The following ZNF536 variants were observed in gnomAD, a reference collection of about 807,000 sequenced individuals.
ZNF536 encodes zinc finger protein 536.
ZNF536 carries 13 observed loss-of-function variants against 84.5 expected under a neutral mutation model. That is an observed-to-expected ratio of 0.15 (90% CI 0.10 to 0.24). The LOEUF is 0.24. Ranked by LOEUF, ZNF536 falls within the 10% of genes least tolerant of loss-of-function variation. ZNF536 has a pLI of 1.00. For missense variants in ZNF536, 1,536 were observed against 1,747.5 expected, an observed-to-expected ratio of 0.88 and a Z score of 2.16; for synonymous variants, 811 against 742.5, an observed-to-expected ratio of 1.09 and a Z score of -1.50.
intron 1 of ZNF536, among the ~76,000 whole-genome samples, chr19:30,270,806 C>T (rs908544556): frequency 6.0e-5 from 9 of 149,056 alleles, no homozygotes; most frequent in African/African-American, 2.2e-4. Context: ...TGCTAGCATA[C>T]GTAATTTTTT....
At chr19:30,367,587 T>C (rs2048477732), upstream of ZNF536, among the ~76,000 whole-genome samples, 5 of 152,178 alleles carry the variant, frequency 3.3e-5, no homozygotes, top group Non-Finnish European at 7.3e-5. Context: ...TTTGGCTTTC[T>C]CTACCAGCTG....
At chr19:30,671,561 G>A (rs931765613) in intron 1 of ZNF536, among the ~76,000 whole-genome samples, 10 of 152,114 alleles carry the variant, frequency 6.6e-5, no homozygotes, top group African/African-American at 2.2e-4. Flanking sequence ...AAGGGGAAGC[G>A]GGGCAGGGGT....
In ZNF536 at chr19:30,569,559, C is replaced by CTT. The variant is rs34995610; in HGVS notation, c.169+20074_169+20075dup. On this transcript the variant is annotated intron_variant, in intron 1 of 1. Coordinates refer to the ZNF536 transcript ENST00000592773. ...ATGGAATCGAAGCCAGATAAACGTT[C>CTT]TTTTTTTTTTTTTTTTTTTTTTTTT... Among the ~76,000 whole-genome samples the CTT allele has an allele frequency of 9.2e-3, 508 of 55,076 alleles. 108 individuals are homozygous for CTT. The highest frequency in any genetic ancestry group is 0.024 in the African/African-American group (316 of 13,214). The allele number at this position is 55,076 out of a possible 152,430, so 36.1% of individuals were successfully genotyped here.
intron 2 of ZNF536, among the ~76,000 whole-genome samples, chr19:30,504,865 G>A (rs191963244): frequency 6.6e-6 from 1 of 152,186 alleles, no homozygotes; most frequent in African/African-American, 2.4e-5. Context: ...GATGTTATAT[G>A]ATCCGCAAAA....
At chr19:30,571,695 G>A (rs948987466) in intron 1 of ZNF536, among the ~76,000 whole-genome samples, 5 of 151,992 alleles carry the variant, frequency 3.3e-5, no homozygotes, top group Non-Finnish European at 5.9e-5. Flanking sequence ...CCCAACATCC[G>A]GCTTCCTCCC....
intron 1 of ZNF536, among the ~76,000 whole-genome samples, chr19:30,410,308 A>G (rs2050425293): frequency 6.6e-6 from 1 of 152,094 alleles, no homozygotes; most frequent in African/African-American, 2.4e-5. Flanking sequence ...TTGCACACAT[A>G]TTCATAATTT....
chr19:30,688,237 C>G (rs1376382523), intron 1 of ZNF536, among the ~76,000 whole-genome samples: 2 of 152,166 alleles, frequency 1.3e-5, no homozygotes, highest in African/African-American at 4.8e-5. Flanking sequence ...AACTCAGGTG[C>G]CCGGATCTCT....
intron 2 of ZNF536, among the ~76,000 whole-genome samples, chr19:30,338,706 T>A (rs374403744): frequency 1.3e-5 from 2 of 152,110 alleles, no homozygotes; most frequent in East Asian, 3.9e-4. Flanking sequence ...TTTCACAGGG[T>A]TGTTGTAAGG....
At chr19:30,616,513 G>C (rs1040812378) in intron 1 of ZNF536, among the ~76,000 whole-genome samples, 1 of 152,068 alleles carries the variant, frequency 6.6e-6, no homozygotes, top group African/African-American at 2.4e-5. Flanking sequence ...AACCCTATTT[G>C]ATCAAGGCCT....
rs56199909 is a variant in ZNF536, at chr19:30,705,309, ATG to A, written c.170-5422_170-5421del. 6.8e-3 allele frequency among the ~76,000 whole-genome samples: 1,016 copies of A among 148,898 alleles called. 9 individuals are homozygous for A. Among genetic ancestry groups the A allele is most frequent in the African/African-American group, 0.018 (748 of 40,528 alleles). ...GCCTTTCAGCAAACAACTCAGAAAGATGTGTGTGTGTGTGTGTGTGTGTGTGT... is the reference window on the plus strand; with the variant it reads ...GCCTTTCAGCAAACAACTCAGAAAGATGTGTGTGTGTGTGTGTGTGTGTGT... On this transcript the variant is annotated intron_variant, in intron 1 of 1. Coordinates refer to the ZNF536 transcript ENST00000592773.
At position 30,425,104 on chromosome 19, in the gene ZNF536, A is replaced by T. The variant is rs139426172; in HGVS notation, c.-2-18457A>T. Among the ~76,000 whole-genome samples the T allele has an allele frequency of 2.4e-4, 36 of 152,240 alleles. No homozygotes were observed. In the East Asian group the frequency reaches 7.0e-3, roughly 29 times the overall value. ...GGGGACTCAAGGGAAAGAGTAGGAA[A>T]GGGGTGAGGGATAAAAGAGTACACA... On this transcript the variant is annotated intron_variant, in intron 1 of 4. Coordinates refer to ENST00000355537, the MANE Select transcript of ZNF536 (RefSeq NM_014717.3).
intron 2 of ZNF536, among the ~76,000 whole-genome samples, chr19:30,329,286 G>A (rs942877972): frequency 2.0e-5 from 3 of 152,148 alleles, no homozygotes; most frequent in Admixed American, 6.5e-5. Context: ...GTAGGAATGC[G>A]GTCCTGCTTG....
intron 2 of ZNF536, among the ~76,000 whole-genome samples, chr19:30,506,540 G>T (rs150773384): frequency 6.6e-6 from 1 of 152,166 alleles, no homozygotes; most frequent in Non-Finnish European, 1.5e-5. Flanking sequence ...GTGCTGAGGC[G>T]AGGGGAGGTT....
At chr19:30,516,285 C>A (rs2044070777) in intron 2 of ZNF536, among the ~76,000 whole-genome samples, 2 of 152,196 alleles carry the variant, frequency 1.3e-5, no homozygotes, top group African/African-American at 4.8e-5. Context: ...GTCCTCCGTC[C>A]TCCTGGGCAG....
intron 2 of ZNF536, among the ~76,000 whole-genome samples, chr19:30,333,714 C>T (rs2047290617): frequency 6.6e-6 from 1 of 152,174 alleles, no homozygotes; most frequent in Non-Finnish European, 1.5e-5. Context: ...TGGACTGTGA[C>T]CTAGGAACAC....
At chr19:30,226,745 G>A (rs1470129848), upstream of ZNF536, among the ~76,000 whole-genome samples, 2 of 152,170 alleles carry the variant, frequency 1.3e-5, no homozygotes, top group African/African-American at 4.8e-5. The surrounding 1 kb of genome is among the most constrained non-coding windows in gnomAD (Gnocchi z 4.6). Flanking sequence ...GAGAAATGAG[G>A]CCAATCAGAG....
intron 2 of ZNF536, among the ~76,000 whole-genome samples, chr19:30,297,439 T>C (rs576144763): frequency 6.6e-6 from 1 of 152,312 alleles, no homozygotes; most frequent in South Asian, 2.1e-4. Flanking sequence ...GTTTTATTAC[T>C]GAACTTTAAA....
At chr19:30,307,131 C>A (rs546689788) in intron 2 of ZNF536, among the ~76,000 whole-genome samples, 1 of 152,064 alleles carries the variant, frequency 6.6e-6, no homozygotes, top group Admixed American at 6.5e-5. Flanking sequence ...ATCTCGAATT[C>A]GCATGGCAAC....
upstream of ZNF536, among the ~76,000 whole-genome samples, chr19:30,225,934 C>T (rs2022586357): frequency 8.4e-6 from 1 of 118,622 alleles, no homozygotes; most frequent in Non-Finnish European, 1.7e-5. Context: ...GAGAAGCTGT[C>T]AGCGGGTGGG....
Sources: gnomAD v4.1 joint callset for allele counts (sites outside exome capture counted in the v4.1 genomes callset) on GRCh38, gnomAD v4.1.1 for gene constraint, Gnocchi (gnomAD v3.1) non-coding constraint, MANE v1.5 for transcripts, NCBI Gene and HGNC (gene_info 2026-07-23, HGNC 2026-07-21) for gene names.